Variants in DGKB observed in about 807,000 individuals in gnomAD.
DGKB encodes the protein diacylglycerol kinase beta.
DGKB carries 67 observed loss-of-function variants against 114.3 expected under a neutral mutation model. The observed-to-expected ratio is 0.59, with a 90% CI of 0.48 to 0.72. The LOEUF (loss-of-function observed/expected upper bound fraction) is 0.72. DGKB is among the 30% of genes least tolerant of loss of function. The pLI is 0.00. For missense variants in DGKB, 907 were observed against 975.2 expected (o/e 0.93, Z 0.93); for synonymous variants, 398 against 323.1 (o/e 1.23, Z -2.49).
chr7:14,526,056 G>A (rs1342474402), intron 20 of DGKB, among the ~76,000 whole-genome samples: 4 of 151,980 alleles, frequency 2.6e-5, no homozygotes, highest in Admixed American at 2.6e-4. Flanking sequence ...TCAATCACAT[G>A]TAAATATTTT....
Position 14,841,320 on chromosome 7 carries a change from G to A in DGKB, c.-57C>T, listed in dbSNP as rs1847903426. The A allele has an allele frequency of 1.3e-6, 2 of 1,482,058 alleles. No individual in the cohort carries two copies. Among genetic ancestry groups the A allele is most frequent in the African/African-American group, 1.4e-5 (1 of 72,232 alleles). 91.8% of individuals were successfully genotyped at this position (1,482,058 alleles called of 1,614,324 possible). On this transcript the variant is annotated 5_prime_UTR_variant, in exon 2 of 26. Coordinates refer to ENST00000402815, the MANE Select transcript of DGKB (RefSeq NM_001350709.2). ...GTAAAAGATTCTTTATTCAGGTGTT[G>A]CGCAGAGGTCTATGCTTCAAAGATT...
chr7:14,574,380 GAA>G lies in DGKB; in HGVS notation c.1610-10_1610-9del. On this transcript the variant is annotated splice_polypyrimidine_tract_variant and intron_variant, in intron 19 of 25. Coordinates refer to ENST00000402815, the MANE Select transcript of DGKB (RefSeq NM_001350709.2). Reference sequence around the variant, plus strand: ...GATTCTCACCTTCGTAACCTAGTGGGAAAAAAAAATACCTTGAGAAAAGAACT... The same window carrying G: ...GATTCTCACCTTCGTAACCTAGTGGGAAAAAAATACCTTGAGAAAAGAACT... The G allele has an allele frequency of 1.3e-6, 2 of 1,564,780 alleles. No homozygotes were observed.
chr7:14,321,697 C>T (rs1807845368), intron 23 of DGKB, among the ~76,000 whole-genome samples: 1 of 151,238 alleles, frequency 6.6e-6, no homozygotes, highest in Non-Finnish European at 1.5e-5. Flanking sequence ...TAAAGTCCAA[C>T]AGTCTATAGA....
rs1223921275 is a variant in DGKB, at chr7:14,672,949, T to C, written c.1114A>G (p.Thr372Ala). The C allele has an allele frequency of 6.4e-6, 10 of 1,570,842 alleles. No homozygotes were observed. Among genetic ancestry groups the C allele is most frequent in the Non-Finnish European group, 8.7e-6 (10 of 1,155,778 alleles). ...CTCACCAGTACCACTGGACAGATTG[T>C]TGTGGGTGGTAAAATATGGTCCTTC... ...PLKDHILPPT[T>A]ICPVVLTLPT... Residue 372 changes from threonine to alanine, a missense_variant, in exon 13 of 26, where the codon ACA (threonine) becomes GCA (alanine). By Grantham distance (58) the Thr-to-Ala change is moderately conservative. This residue lies in a region of DGKB where 814 missense variants were observed against 856.6 expected (regional missense o/e 0.95). Coordinates refer to ENST00000402815, the MANE Select transcript of DGKB (RefSeq NM_001350709.2).
intron 21 of DGKB, among the ~76,000 whole-genome samples, chr7:14,370,726 A>G (rs1455961341): frequency 6.6e-6 from 1 of 152,096 alleles, no homozygotes; most frequent in African/African-American, 2.4e-5. Flanking sequence ...ACATGGGTAT[A>G]TTGCATGAAG....
At chr7:14,968,306 T>A (rs916667521) in intron 1 of DGKB, among the ~76,000 whole-genome samples, 4 of 152,162 alleles carry the variant, frequency 2.6e-5, no homozygotes, top group Non-Finnish European at 4.4e-5. Flanking sequence ...TTGAATAATC[T>A]TTGATCTATT....
intron 21 of DGKB, among the ~76,000 whole-genome samples, chr7:14,434,921 C>T (rs1829012884): frequency 6.6e-6 from 1 of 152,066 alleles, no homozygotes; most frequent in South Asian, 2.1e-4. Flanking sequence ...TTCTTTCACA[C>T]TAAGCTTGTT....
intron 23 of DGKB, among the ~76,000 whole-genome samples, chr7:14,196,225 C>T (rs541075639): frequency 6.2e-4 from 94 of 152,114 alleles, no homozygotes; most frequent in African/African-American, 2.0e-3. Context: ...CTGTTATTGT[C>T]GAAAGCACTA....
intron 13 of DGKB, among the ~76,000 whole-genome samples, chr7:14,646,361 C>T (rs1222357843): frequency 6.6e-6 from 1 of 152,066 alleles, no homozygotes; most frequent in Non-Finnish European, 1.5e-5. Flanking sequence ...TATATACACA[C>T]TCAACATTGG....
intron 1 of DGKB, among the ~76,000 whole-genome samples, chr7:14,949,040 G>A (rs1786030043): frequency 6.6e-6 from 1 of 151,674 alleles, no homozygotes; most frequent in African/African-American, 2.4e-5. Context: ...CACAAATTGA[G>A]AAAAGACATC....
intron 21 of DGKB, among the ~76,000 whole-genome samples, chr7:14,373,663 C>G (rs751942262): frequency 2.6e-5 from 4 of 152,092 alleles, no homozygotes; most frequent in Non-Finnish European, 5.9e-5. Flanking sequence ...GACTTCTTTT[C>G]TCCTGCTCTA....
At chr7:14,649,864 G>A (rs2128895408) in intron 13 of DGKB, among the ~76,000 whole-genome samples, 1 of 140,350 alleles carries the variant, frequency 7.1e-6, no homozygotes. Context: ...TGATAAAACA[G>A]ACTTTAAACC....
intron 1 of DGKB, among the ~76,000 whole-genome samples, chr7:14,964,419 G>C (rs1172540849): frequency 6.6e-6 from 1 of 152,168 alleles, no homozygotes; most frequent in Non-Finnish European, 1.5e-5. Flanking sequence ...AGAATCACAT[G>C]AGCCCAGAAG....
chr7:14,663,287 T>G (rs2128928582), intron 13 of DGKB, among the ~76,000 whole-genome samples: 1 of 152,142 alleles, frequency 6.6e-6, no homozygotes, highest in East Asian at 1.9e-4. Context: ...TAACATCAAT[T>G]TTCTTGATAA....
At chr7:14,155,080 T>C (rs1782803761) in intron 25 of DGKB, among the ~76,000 whole-genome samples, 1 of 152,074 alleles carries the variant, frequency 6.6e-6, no homozygotes, top group Non-Finnish European at 1.5e-5. Context: ...GATTCCTCTG[T>C]GCTTTTAAAT....
chr7:14,449,254 G>C (rs577461367), intron 21 of DGKB, among the ~76,000 whole-genome samples: 19 of 152,144 alleles, frequency 1.2e-4, no homozygotes. Context: ...CAATAGCCGA[G>C]TGTTAAATGT....
chr7:14,653,660 A>G (rs1164003695), intron 13 of DGKB, among the ~76,000 whole-genome samples: 1 of 151,388 alleles, frequency 6.6e-6, no homozygotes, highest in Non-Finnish European at 1.5e-5. Context: ...TATAATTTAA[A>G]AAAAAAAAGA....
intron 25 of DGKB, among the ~76,000 whole-genome samples, chr7:14,160,015 A>C (rs779134799): frequency 6.6e-6 from 1 of 152,128 alleles, no homozygotes; most frequent in African/African-American, 2.4e-5. Context: ...AAGAGTTGTA[A>C]ATTATATTTA....
intron 13 of DGKB, among the ~76,000 whole-genome samples, chr7:14,655,777 G>A (rs542682293): frequency 6.6e-6 from 1 of 151,666 alleles, no homozygotes; most frequent in African/African-American, 2.4e-5. Context: ...AATTAGTCAA[G>A]CACAGAAAGA....
Sources: gnomAD v4.1 joint callset for allele counts (sites outside exome capture counted in the v4.1 genomes callset) on GRCh38, gnomAD v4.1.1 for gene constraint, gnomAD v4.1.1 regional missense constraint, MANE v1.5 for transcripts, NCBI Gene and HGNC (gene_info 2026-07-23, HGNC 2026-07-21) for gene names.